Variants in SCN11A observed in about 807,000 individuals in gnomAD.
SCN11A encodes sodium channel protein type 11 subunit alpha.
Under a neutral mutation model 162.2 loss-of-function variants are expected in SCN11A, and 122 were observed. The observed-to-expected ratio is 0.75, with a 90% confidence interval of 0.65 to 0.87. The LOEUF (loss-of-function observed/expected upper bound fraction) is 0.87, where lower values mean the gene tolerates loss of function less well. Among genes scored for constraint, SCN11A ranks in the 40% least tolerant of loss-of-function variants. The pLI, the probability that SCN11A is intolerant of heterozygous loss-of-function variation, is 0.00. For missense variants in SCN11A, 2,015 were observed against 2,181.6 expected (o/e 0.92, Z 1.52); for synonymous variants, 758 against 751.5 (o/e 1.01, Z -0.14).
At chr3:38,865,144 C>A (rs1202739805) in intron 27 of SCN11A, among the ~76,000 whole-genome samples, 3 of 152,146 alleles carry the variant, frequency 2.0e-5, no homozygotes, top group Admixed American at 2.0e-4. Context: ...AGAACAAGCA[C>A]ATTCTTAAGT....
intron 2 of SCN11A, among the ~76,000 whole-genome samples, chr3:39,030,236 A>G (rs947084127): frequency 2.0e-5 from 3 of 152,244 alleles, no homozygotes; most frequent in African/African-American, 7.2e-5. Context: ...GATGCTCTGC[A>G]AAGAGGGCAG....
intron 3 of SCN11A, among the ~76,000 whole-genome samples, chr3:38,954,639 C>CAAAA (rs1416989916): frequency 6.6e-6 from 1 of 151,662 alleles, no homozygotes. Flanking sequence ...AAAAAACAAA[C>CAAAA]AAACAAACAA....
chr3:39,038,415 A>G lies in SCN11A; in HGVS notation c.-403-5912T>C, dbSNP rs115110880. On this transcript the variant is annotated intron_variant, in intron 1 of 29. Coordinates refer to ENST00000302328, the MANE Select transcript of SCN11A (RefSeq NM_001349253.2). ...ACAGTGAGGAATTCCACACACATAG[A>G]AAGAGGGCTCAGATGATAAACAGCA... Among the ~76,000 whole-genome samples the G allele has an allele frequency of 5.3e-3, 814 of 152,356 alleles. 4 individuals are homozygous for G. The highest frequency in any genetic ancestry group is 0.014 in the Middle Eastern group (4 of 292).
At chr3:38,920,188 G>A (rs998199057) in intron 10 of SCN11A, among the ~76,000 whole-genome samples, 187 bp from the exon 11 acceptor site, 1 of 152,150 alleles carries the variant, frequency 6.6e-6, no homozygotes, top group East Asian at 1.9e-4. Context: ...GGAGGGAAAA[G>A]AAGAAGGAAG....
chr3:39,021,500 A>C (rs1463734066), intron 2 of SCN11A, among the ~76,000 whole-genome samples: 1 of 152,162 alleles, frequency 6.6e-6, no homozygotes, highest in Non-Finnish European at 1.5e-5. Flanking sequence ...TGGGATGAAA[A>C]GGTGGCCTGA....
Position 38,897,043 on chromosome 3 carries a change from G to A in SCN11A, c.2205C>T (p.Leu735=), listed in dbSNP as rs768482999. ...RSFNSQKSPK[L]CNPTGPTVSC... Reference sequence around the variant, plus strand: ...AGACTGTCGGGCCTGTCGGGTTACAGAGTTTTGGACTCTTTTGGGAATTGA... The same window carrying A: ...AGACTGTCGGGCCTGTCGGGTTACAAAGTTTTGGACTCTTTTGGGAATTGA... Residue 735 remains leucine, a synonymous_variant, in exon 18 of 30, where the codon CTC becomes CTT. Coordinates refer to ENST00000302328, the MANE Select transcript of SCN11A (RefSeq NM_001349253.2). 4.5e-5 allele frequency: 73 copies of A among 1,614,158 alleles called. 1 individual carries two copies. In the South Asian group the frequency reaches 7.4e-4, roughly 16 times the overall value.
intron 28 of SCN11A, among the ~76,000 whole-genome samples, chr3:38,854,254 C>T (rs2064830728): frequency 6.6e-6 from 1 of 152,082 alleles, no homozygotes; most frequent in Admixed American, 6.6e-5. Context: ...GAGTTGAGTA[C>T]TATGACAGAG....
chr3:38,970,777 T>C (rs2066811838), intron 2 of SCN11A, among the ~76,000 whole-genome samples: 1 of 152,076 alleles, frequency 6.6e-6, no homozygotes, highest in Non-Finnish European at 1.5e-5. Context: ...TGAGAAGAGG[T>C]CAGCACCATG....
chr3:38,901,572 A>C (rs949761013), intron 16 of SCN11A, among the ~76,000 whole-genome samples: 3 of 152,204 alleles, frequency 2.0e-5, no homozygotes, highest in Admixed American at 6.5e-5. Flanking sequence ...CTCTGATTAG[A>C]GCAATCTCTA....
intron 5 of SCN11A, 148 bp downstream of exon 5, chr3:38,949,948 G>C: frequency 1.6e-6 from 1 of 608,134 alleles, no homozygotes; most frequent in East Asian, 2.8e-5. Context: ...GGACTATCAA[G>C]GCAATGCCAG....
chr3:38,855,421 T>C (rs1192163654), intron 28 of SCN11A, among the ~76,000 whole-genome samples: 1 of 152,196 alleles, frequency 6.6e-6, no homozygotes, highest in Non-Finnish European at 1.5e-5. Context: ...CCTCACCTGA[T>C]GGTTTTTCTC....
intron 2 of SCN11A, among the ~76,000 whole-genome samples, chr3:38,990,813 G>A (rs1390814950): frequency 6.6e-6 from 1 of 152,124 alleles, no homozygotes; most frequent in East Asian, 1.9e-4. Context: ...ATTGGTAGAG[G>A]CAGGATGTGG....
chr3:38,999,276 G>A (rs186667041), intron 2 of SCN11A, among the ~76,000 whole-genome samples: 13 of 152,150 alleles, frequency 8.5e-5, no homozygotes, highest in Admixed American at 3.3e-4. Context: ...AACTATAGAC[G>A]AATTCTTAGG....
At chr3:38,894,450 T>C (rs2065552090) in intron 19 of SCN11A, 83 bp downstream of exon 19, 1 of 1,108,004 alleles carries the variant, frequency 9.0e-7, no homozygotes, top group Middle Eastern at 2.1e-4. Context: ...CCTTGCATAG[T>C]GCCTAGAAAA....
In SCN11A at chr3:38,863,222, T is replaced by A. The variant is rs1477265915; in HGVS notation, c.4029A>T (p.Lys1343Asn). 1 of 1,602,552 alleles carries A rather than the reference T, an allele frequency of 6.2e-7. No individual in the cohort carries two copies. Among genetic ancestry groups the A allele is most frequent in the Non-Finnish European group, 8.5e-7 (1 of 1,169,980 alleles). Residue 1343 changes from lysine (K) to asparagine (N), a missense_variant, in exon 28 of 30, where the codon AAA (lysine) becomes AAT (asparagine). Coordinates refer to ENST00000302328, the MANE Select transcript of SCN11A (RefSeq NM_001349253.2). ...GAGGCCGTGGAATGGGTTTTTGAGG[T>A]TTTTTGGATCCTAATTTTTTCATTG... Reference protein sequence around the residue: ...YNAMKKLGSKKPQKPIPRPLN... With the variant: ...YNAMKKLGSKNPQKPIPRPLN...
Position 38,862,844 on chromosome 3 carries a change from A to G in SCN11A, c.4056+351T>C, listed in dbSNP as rs114289129. ...AACTCTCAGAAATCACCACTAAAGA[A>G]CTTACACATGGAACCAAAAACCACC... On this transcript the variant is annotated intron_variant, in intron 28 of 29. Coordinates refer to ENST00000302328, the MANE Select transcript of SCN11A (RefSeq NM_001349253.2). 9.0e-3 allele frequency among the ~76,000 whole-genome samples: 1,370 copies of G among 152,162 alleles called. 28 individuals carry two copies. Among genetic ancestry groups the G allele is most frequent in the African/African-American group, 0.031 (1,303 of 41,536 alleles).
intron 2 of SCN11A, among the ~76,000 whole-genome samples, chr3:38,980,368 G>T (rs2029985391): frequency 6.6e-6 from 1 of 152,186 alleles, no homozygotes; most frequent in Non-Finnish European, 1.5e-5. Flanking sequence ...AGGCAAATTG[G>T]TTTCTAAAAC....
intron 19 of SCN11A, among the ~76,000 whole-genome samples, 175 bp downstream of exon 19, chr3:38,894,358 A>T (rs561666227): frequency 6.6e-6 from 1 of 152,196 alleles, no homozygotes; most frequent in East Asian, 1.9e-4. Context: ...TCTGTGCCAC[A>T]CCTGCAGGAC....
intron 7 of SCN11A, among the ~76,000 whole-genome samples, chr3:38,935,020 C>T (rs984132963): frequency 7.9e-5 from 12 of 151,986 alleles, no homozygotes; most frequent in African/African-American, 2.7e-4. Context: ...GAAATTATAA[C>T]AAACTGTCTC....
Sources: allele counts gnomAD v4.1 joint callset (sites outside exome capture counted in the v4.1 genomes callset), GRCh38; gene constraint gnomAD v4.1.1; transcripts MANE v1.5; gene names NCBI Gene and HGNC (gene_info 2026-07-23, HGNC 2026-07-21).